The following CLIP1 variants were observed in gnomAD, a reference collection of about 807,000 sequenced individuals.
The protein encoded by CLIP1 is CAP-Gly domain-containing linker protein 1.
Under a neutral mutation model 161.6 loss-of-function variants are expected in CLIP1, and 66 were observed. The observed-to-expected ratio is 0.41, with a 90% CI of 0.33 to 0.50. The LOEUF is 0.50. Among genes scored for constraint, CLIP1 ranks in the 20% least tolerant of loss-of-function variants. The pLI is 0.27. For synonymous variants in CLIP1, 598 were observed against 626.2 expected, an observed-to-expected ratio of 0.96 and a Z score of 0.67; for missense variants, 1,376 against 1,702.0, an observed-to-expected ratio of 0.81 and a Z score of 3.37.
At chr12:122,313,189 G>A (rs1216192966) in intron 19 of CLIP1, among the ~76,000 whole-genome samples, 2 of 152,180 alleles carry the variant, frequency 1.3e-5, no homozygotes, top group Admixed American at 6.5e-5. Context: ...ACAGGAAGAT[G>A]TGATTCCCTC....
chr12:122,368,562 A>G (rs1954279738), intron 3 of CLIP1, among the ~76,000 whole-genome samples: 1 of 152,150 alleles, frequency 6.6e-6, no homozygotes. Flanking sequence ...AGCAGTAATG[A>G]GGGGTTGTTT....
At chr12:122,346,825 G>A (rs751099301) in intron 10 of CLIP1, among the ~76,000 whole-genome samples, 3 of 152,124 alleles carry the variant, frequency 2.0e-5, no homozygotes, top group South Asian at 2.1e-4. Flanking sequence ...TCAATCCCCC[G>A]AGCGACAGGA....
intron 20 of CLIP1, among the ~76,000 whole-genome samples, chr12:122,293,745 T>C (rs917972016): frequency 2.0e-5 from 3 of 151,712 alleles, no homozygotes; most frequent in African/African-American, 7.3e-5. Context: ...CCCAAAGTGC[T>C]GGGATTACAG....
intron 8 of CLIP1, 111 bp from the exon 9 acceptor site, chr12:122,351,254 G>A (rs1953024111): frequency 2.9e-6 from 2 of 696,524 alleles, no homozygotes; most frequent in Non-Finnish European, 2.3e-6. Flanking sequence ...TTTCAAGTAA[G>A]TTTATCAGAC....
intron 4 of CLIP1, among the ~76,000 whole-genome samples, chr12:122,362,417 C>A (rs1175464378): frequency 1.3e-5 from 2 of 150,158 alleles, no homozygotes; most frequent in Non-Finnish European, 3.0e-5. Context: ...CCAAGGTGGG[C>A]GGATCATGAG....
chr12:122,379,143 C>CA (rs910009905), intron 2 of CLIP1, among the ~76,000 whole-genome samples: 23 of 143,428 alleles, frequency 1.6e-4, no homozygotes, highest in South Asian at 6.8e-4. Context: ...AAAACAAAAC[C>CA]AAAAAAAAAC....
chr12:122,336,614 T>C lies in CLIP1; in HGVS notation c.2568+18A>G, dbSNP rs969160213. ...ATGGCCAGAAACCCTGAGATTCAGA[T>C]TCCCAACAGGTACTTACCAAAATCT... is the stretch of plus-strand genomic sequence containing the variant. On this transcript the variant is annotated intron_variant, in intron 12 of 25. Coordinates refer to ENST00000620786, the MANE Select transcript of CLIP1 (RefSeq NM_001247997.2). 7.8e-7 allele frequency: 1 copy of C among 1,276,942 alleles called. No individual in the cohort carries two copies. Among genetic ancestry groups the C allele is most frequent in the Non-Finnish European group, 1.1e-6 (1 of 882,144 alleles). 79.1% of individuals were successfully genotyped at this position (1,276,942 alleles called of 1,614,324 possible).
intron 4 of CLIP1, among the ~76,000 whole-genome samples, chr12:122,362,261 T>C (rs943408718): frequency 6.6e-6 from 1 of 151,218 alleles, no homozygotes; most frequent in African/African-American, 2.4e-5. Context: ...CCAAAAAATA[T>C]ATACTTTTTT....
At chr12:122,302,485 A>G (rs915184834) in intron 20 of CLIP1, among the ~76,000 whole-genome samples, 45 of 152,260 alleles carry the variant, frequency 3.0e-4, no homozygotes, top group African/African-American at 1.0e-3. Flanking sequence ...ATTTTTCCCA[A>G]TGGGTCCCCC....
intron 1 of CLIP1, among the ~76,000 whole-genome samples, chr12:122,413,337 A>G (rs12424715): frequency 0.13 from 19,737 of 152,000 alleles, 1,642 homozygotes; most frequent in East Asian, 0.45. Context: ...AATCGGGGGG[A>G]AAAAGACTTA....
chr12:122,274,301 G>A (rs1057323414), intron 24 of CLIP1, 139 bp from the exon 25 acceptor site: 1 of 621,892 alleles, frequency 1.6e-6, no homozygotes, highest in African/African-American at 1.9e-5. Flanking sequence ...AGGAACCCAT[G>A]CTTTTCACTC....
chr12:122,362,139 A>G (rs545560729), intron 4 of CLIP1, among the ~76,000 whole-genome samples: 193 of 151,390 alleles, frequency 1.3e-3, no homozygotes, highest in African/African-American at 4.6e-3. Flanking sequence ...TTTTTAGTAG[A>G]GACAGGGTTT....
intron 19 of CLIP1, among the ~76,000 whole-genome samples, chr12:122,314,237 G>A (rs1171353180): frequency 2.0e-5 from 3 of 149,124 alleles, no homozygotes; most frequent in Non-Finnish European, 4.4e-5. Flanking sequence ...GTTGCAGTGA[G>A]CCGAGACTGC....
At chr12:122,353,761 G>A (rs1166926784) in intron 7 of CLIP1, among the ~76,000 whole-genome samples, 1 of 151,910 alleles carries the variant, frequency 6.6e-6, no homozygotes, top group East Asian at 2.0e-4. Flanking sequence ...CTCCCAAGTA[G>A]CTGGGATTAC....
intron 19 of CLIP1, among the ~76,000 whole-genome samples, chr12:122,310,775 T>C (rs1339477302): frequency 6.6e-6 from 1 of 152,258 alleles, no homozygotes; most frequent in Non-Finnish European, 1.5e-5. Context: ...CTGTCATACA[T>C]GGCTGAATTC....
In CLIP1 at chr12:122,365,533, C is replaced by CT. The variant is rs1187986761; in HGVS notation, c.658-1427_658-1426insA. 1.6e-5 allele frequency: 16 copies of CT among 988,756 alleles called. 1 individual carries two copies. The African/African-American group carries it at 2.7e-4, about 17-fold the overall frequency. The allele number at this position is 988,756 out of a possible 1,614,324, so 61.2% of individuals were successfully genotyped here. On this transcript the variant is annotated intron_variant, in intron 3 of 25. Transcript: ENST00000620786. ...AAGAGCAAGGGACCTGGGTTCAACT[C>CT]AAGCGCCAGCCTGCTCCACCCAGAG... is the stretch of plus-strand genomic sequence containing the variant.
In CLIP1 at chr12:122,364,096, A is replaced by G; in HGVS notation, c.669T>C (p.Thr223=). 1 of 1,614,146 alleles carries G rather than the reference A, an allele frequency of 6.2e-7. No individual in the cohort carries two copies. Among genetic ancestry groups the G allele is most frequent in the Non-Finnish European group, 8.5e-7 (1 of 1,180,018 alleles). The change falls in exon 4 of 26, where the codon ACT becomes ACC. Residue 223 remains threonine, a synonymous_variant. Transcript: ENST00000620786. The stretch of plus-strand genomic sequence containing the variant: ...CAAGAAACCGGACTACACCAGCCTT[A>G]GTGCCACCAACCTGGAAGAAGAGAA... ...KIGDRVLVGG[T]KAGVVRFLGE... is the part of the protein sequence containing the mutation.
At chr12:122,385,006 C>T (rs1955187406) in intron 1 of CLIP1, among the ~76,000 whole-genome samples, 1 of 149,538 alleles carries the variant, frequency 6.7e-6, no homozygotes, top group African/African-American at 2.5e-5. Context: ...AATCTCAGCT[C>T]TCTGCGACCT....
intron 1 of CLIP1, among the ~76,000 whole-genome samples, chr12:122,393,166 GT>G (rs55816714): frequency 0.016 from 2,173 of 139,038 alleles, 45 homozygotes; most frequent in African/African-American, 0.042. Context: ...TGGCAATCTT[GT>G]TTTTTTTTTT....
Sources: allele counts gnomAD v4.1 joint callset (sites outside exome capture counted in the v4.1 genomes callset), GRCh38; gene constraint gnomAD v4.1.1; transcripts MANE v1.5; gene names NCBI Gene and HGNC (gene_info 2026-07-23, HGNC 2026-07-21).